The following ADGRL3 variants were observed in gnomAD, a reference collection of about 807,000 sequenced individuals.
ADGRL3 encodes the protein calcium-independent alpha-latrotoxin receptor 3.
ADGRL3 carries 62 observed loss-of-function variants against 153.5 expected under a neutral mutation model. That is an observed-to-expected ratio of 0.40 (90% CI 0.33 to 0.50). ADGRL3 has a LOEUF of 0.50. Among genes scored for constraint, ADGRL3 ranks in the 20% least tolerant of loss-of-function variants. The pLI is 0.47. For synonymous variants in ADGRL3, 710 were observed against 672.5 expected (o/e 1.06, Z -0.86); for missense variants, 1,641 against 1,859.4 (o/e 0.88, Z 2.16).
At chr4:61,991,304 G>A (rs560471960) in intron 19 of ADGRL3, among the ~76,000 whole-genome samples, 3 of 151,786 alleles carry the variant, frequency 2.0e-5, no homozygotes, top group East Asian at 3.9e-4. Context: ...TGTTATATAG[G>A]TAAACTTGTG....
At chr4:61,600,898 T>C (rs1157542148) in intron 5 of ADGRL3, among the ~76,000 whole-genome samples, 1 of 152,254 alleles carries the variant, frequency 6.6e-6, no homozygotes, top group East Asian at 1.9e-4. Flanking sequence ...TTAATTATTT[T>C]CTTATATGAC....
chr4:61,278,956 C>A (rs2093606570), intron 1 of ADGRL3, among the ~76,000 whole-genome samples: 1 of 152,146 alleles, frequency 6.6e-6, no homozygotes, highest in Non-Finnish European at 1.5e-5. Context: ...CATGCCAACG[C>A]TTAATTCATG....
chr4:61,807,214 T>C (rs995088376), intron 8 of ADGRL3, among the ~76,000 whole-genome samples: 10 of 152,150 alleles, frequency 6.6e-5, no homozygotes, highest in African/African-American at 2.4e-4. Flanking sequence ...TCCAAATGAA[T>C]AAATTAGTAA....
At chr4:61,732,719 A>G in intron 7 of ADGRL3, 35 bp from the exon 8 acceptor site, 1 of 1,170,328 alleles carries the variant, frequency 8.5e-7, no homozygotes, top group Non-Finnish European at 1.2e-6. Context: ...TGAAATTAAT[A>G]TATTTATTTA....
chr4:61,910,821 CA>C (rs1044069700), intron 12 of ADGRL3, among the ~76,000 whole-genome samples: 5 of 150,636 alleles, frequency 3.3e-5, no homozygotes, highest in African/African-American at 1.2e-4. Flanking sequence ...TTTCAGTCAT[CA>C]AAAGGAAAGA....
intron 8 of ADGRL3, among the ~76,000 whole-genome samples, chr4:61,735,920 T>C (rs2096503577): frequency 6.6e-6 from 1 of 152,120 alleles, no homozygotes; most frequent in Non-Finnish European, 1.5e-5. Context: ...TATTAAGTTG[T>C]CTTTAACGAA....
chr4:62,028,846 A>T lies in ADGRL3; in HGVS notation c.3396-9A>T. The T allele has an allele frequency of 6.2e-7, 1 of 1,602,724 alleles. No individual in the cohort carries two copies. Among genetic ancestry groups the T allele is most frequent in the Non-Finnish European group, 8.5e-7 (1 of 1,173,570 alleles). ...GGTGTTCTTGTCTTTATGTCTATGC[A>T]TTCTTTAGCTATGAGGATAACAGAC... On this transcript the variant is annotated splice_polypyrimidine_tract_variant and intron_variant, in intron 21 of 26. Transcript: ENST00000683033.
intron 11 of ADGRL3, among the ~76,000 whole-genome samples, chr4:61,902,611 T>A (rs916103573): frequency 5.9e-5 from 9 of 152,084 alleles, no homozygotes; most frequent in African/African-American, 1.7e-4. Flanking sequence ...TCCAGCTGCC[T>A]AAACTCCAGA....
intron 9 of ADGRL3, 119 bp downstream of exon 9, chr4:61,814,008 A>T (rs1682621463): frequency 1.3e-5 from 16 of 1,235,144 alleles, no homozygotes; most frequent in Non-Finnish European, 1.8e-5. Context: ...GGTAAAATGA[A>T]GTATGTGAGT....
intron 9 of ADGRL3, among the ~76,000 whole-genome samples, chr4:61,880,235 A>G (rs1044159721): frequency 1.3e-5 from 2 of 152,196 alleles, no homozygotes; most frequent in Admixed American, 6.5e-5. Flanking sequence ...CCACTTAGTC[A>G]TTAGTTCCAA....
At chr4:61,616,005 T>G (rs1306800831) in intron 5 of ADGRL3, among the ~76,000 whole-genome samples, 1 of 152,088 alleles carries the variant, frequency 6.6e-6, no homozygotes, top group African/African-American at 2.4e-5. Flanking sequence ...ACTGGCTATT[T>G]CGTTAGATTC....
intron 13 of ADGRL3, among the ~76,000 whole-genome samples, chr4:61,916,080 C>T (rs2098743883): frequency 6.6e-6 from 1 of 152,058 alleles, no homozygotes; most frequent in Non-Finnish European, 1.5e-5. Flanking sequence ...TTGTTTATCT[C>T]ACACACAAAT....
intron 1 of ADGRL3, among the ~76,000 whole-genome samples, chr4:61,233,316 CT>C (rs1164078810): frequency 6.6e-6 from 1 of 151,816 alleles, no homozygotes. Context: ...TTTTTTAAAT[CT>C]TTTTAGAAAT....
chr4:61,522,732 AG>A (rs1327846909), intron 4 of ADGRL3, among the ~76,000 whole-genome samples: 1 of 152,116 alleles, frequency 6.6e-6, no homozygotes, highest in African/African-American at 2.4e-5. Context: ...GTAAGCCAGA[AG>A]GCCTACATCT....
At chr4:61,411,980 A>G (rs961764323) in intron 2 of ADGRL3, among the ~76,000 whole-genome samples, 1 of 152,196 alleles carries the variant, frequency 6.6e-6, no homozygotes, top group East Asian at 1.9e-4. Flanking sequence ...TCATATATTC[A>G]TGTTAATAAA....
At chr4:61,391,834 T>C (rs1169670358) in intron 2 of ADGRL3, among the ~76,000 whole-genome samples, 7 of 151,058 alleles carry the variant, frequency 4.6e-5, no homozygotes, top group Non-Finnish European at 2.9e-5. Context: ...GGTAAGAAAA[T>C]TATCCAAGTG....
intron 24 of ADGRL3, among the ~76,000 whole-genome samples, chr4:62,043,921 T>G (rs951915530): frequency 1.4e-4 from 22 of 151,990 alleles, no homozygotes; most frequent in Admixed American, 2.6e-4. Context: ...AAAATTACAT[T>G]GATCTTCCTC....
chr4:61,973,540 T>C (rs2150708068), intron 17 of ADGRL3, among the ~76,000 whole-genome samples: 1 of 152,312 alleles, frequency 6.6e-6, no homozygotes, highest in Non-Finnish European at 1.5e-5. Flanking sequence ...AATTATTGTT[T>C]GTATAAAAAT....
intron 8 of ADGRL3, among the ~76,000 whole-genome samples, chr4:61,806,127 G>C (rs2097549867): frequency 6.6e-6 from 1 of 152,062 alleles, no homozygotes; most frequent in Non-Finnish European, 1.5e-5. Context: ...GTGGGTCCTA[G>C]GATGACAGAG....
Sources: gnomAD v4.1 joint callset for allele counts (sites outside exome capture counted in the v4.1 genomes callset) on GRCh38, gnomAD v4.1.1 for gene constraint, MANE v1.5 for transcripts, NCBI Gene and HGNC (gene_info 2026-07-23, HGNC 2026-07-21) for gene names.